The following PCDH11X variants were observed in gnomAD, a reference collection of about 807,000 sequenced individuals.
The protein encoded by PCDH11X is protocadherin 11 X-linked.
Under a neutral mutation model 53.3 loss-of-function variants are expected in PCDH11X, and 18 were observed. That is an observed-to-expected ratio of 0.34 (90% CI 0.23 to 0.50). PCDH11X has a LOEUF of 0.50. Among genes scored for constraint, PCDH11X ranks in the 20% least tolerant of loss-of-function variants. PCDH11X has a pLI of 0.98. For missense variants in PCDH11X, 570 were observed against 1,032.4 expected (o/e 0.55, Z 6.14); for synonymous variants, 279 against 393.3 (o/e 0.71, Z 3.44).
At chrX:91,875,427 C>T (rs1387480283) in intron 5 of PCDH11X, among the ~76,000 whole-genome samples, 3 of 106,933 alleles carry the variant, frequency 2.8e-5, no homozygotes, top group Admixed American at 1.0e-4. Context: ...GGACCACAGG[C>T]GCCCGCCACC....
At chrX:92,600,399 T>C (rs1462448500) in intron 10 of PCDH11X, among the ~76,000 whole-genome samples, 4 of 110,914 alleles carry the variant, frequency 3.6e-5, no homozygotes, top group African/African-American at 1.3e-4. Context: ...GTGCCCTGCA[T>C]TACAGCCATG....
intron 6 of PCDH11X, among the ~76,000 whole-genome samples, chrX:92,086,142 G>A (rs1313580220): frequency 9.0e-6 from 1 of 111,182 alleles, no homozygotes; most frequent in East Asian, 2.8e-4. Flanking sequence ...AATTTTTGTT[G>A]AAAACCCCTC....
At chrX:92,472,555 C>T (rs1205254367) in intron 10 of PCDH11X, among the ~76,000 whole-genome samples, 2 of 108,424 alleles carry the variant, frequency 1.8e-5, no homozygotes, top group Non-Finnish European at 3.8e-5. Flanking sequence ...TAGCATGGTA[C>T]CTCTGCCTTT....
chrX:91,779,738 C>A (rs1935060216), intron 1 of PCDH11X, 54 bp downstream of exon 1: 1 of 101,082 alleles, frequency 9.9e-6, no homozygotes, highest in Admixed American at 1.1e-4. Context: ...GGCGTGAGGT[C>A]CACACTTAGT....
At chrX:91,792,768 A>G (rs1432678665) in intron 1 of PCDH11X, among the ~76,000 whole-genome samples, 2 of 111,821 alleles carry the variant, frequency 1.8e-5, no homozygotes, top group African/African-American at 6.5e-5. Context: ...AACATGATAT[A>G]CAGTATTTCC....
intron 8 of PCDH11X, among the ~76,000 whole-genome samples, chrX:92,293,209 C>A (rs1332662234): frequency 9.0e-6 from 1 of 111,693 alleles, no homozygotes; most frequent in Non-Finnish European, 1.9e-5. Flanking sequence ...TGAGGAGTGG[C>A]ATCCAATACA....
chrX:92,128,841 G>C (rs2064919891), intron 6 of PCDH11X, among the ~76,000 whole-genome samples: 2 of 110,368 alleles, frequency 1.8e-5, no homozygotes, highest in Admixed American at 9.7e-5. Flanking sequence ...CCTATTAATA[G>C]AAGAGGTTTT....
At chrX:91,833,885 C>G (rs1417191794) in intron 4 of PCDH11X, among the ~76,000 whole-genome samples, 1 of 111,271 alleles carries the variant, frequency 9.0e-6, no homozygotes, top group Non-Finnish European at 1.9e-5. Context: ...ATATGTAGTC[C>G]TCCTGTTTTT....
chrX:91,882,865 C>T lies in PCDH11X; in HGVS notation c.3033+3592C>T. On this transcript the variant is annotated intron_variant, in intron 6 of 10. Coordinates refer to ENST00000682573, the MANE Select transcript of PCDH11X (RefSeq NM_032968.5). Reference sequence around the variant, plus strand: ...CTTGGCAAATGAAACTCCTAGAACACAACCATCTGATTTTGATAACGTGTT... The same window carrying T: ...CTTGGCAAATGAAACTCCTAGAACATAACCATCTGATTTTGATAACGTGTT... 10 of 1,180,753 alleles carry T rather than the reference C, an allele frequency of 8.5e-6. No homozygotes were observed. In the South Asian group the frequency reaches 1.6e-4, roughly 19 times the overall value.
chrX:92,491,815 T>C (rs1174413890), intron 10 of PCDH11X, among the ~76,000 whole-genome samples: 1 of 111,485 alleles, frequency 9.0e-6, no homozygotes, highest in Admixed American at 9.6e-5. Flanking sequence ...TTAAATATCA[T>C]TGAGATCATG....
At chrX:92,464,159 A>G (rs749522375) in intron 9 of PCDH11X, among the ~76,000 whole-genome samples, 187 of 111,707 alleles carry the variant, frequency 1.7e-3, no homozygotes, top group Non-Finnish European at 3.2e-3. Context: ...GGGATACATA[A>G]TTAATTTTAT....
Position 92,353,826 on chromosome X carries a change from A to G in PCDH11X, c.3145-33909A>G, listed in dbSNP as rs768709683. On this transcript the variant is annotated intron_variant, in intron 8 of 10. Transcript: ENST00000682573. The stretch of plus-strand genomic sequence containing the variant: ...GTAAAAATAATTATATTATCTTTAC[A>G]TTTGAATGGACTACACTGGCCTTGA... Among the ~76,000 whole-genome samples, 27 of 110,679 alleles carry G rather than the reference A, an allele frequency of 2.4e-4. 1 individual carries two copies. In the South Asian group the frequency reaches 0.01, roughly 43 times the overall value.
intron 6 of PCDH11X, among the ~76,000 whole-genome samples, chrX:92,185,703 G>C (rs1287763694): frequency 9.1e-6 from 1 of 110,228 alleles, no homozygotes; most frequent in Non-Finnish European, 1.9e-5. Context: ...AAGTGATTTG[G>C]GAAATGACAT....
chrX:92,331,291 C>CTTCTTCTTCTTCTTCTTCTTA (rs2069467926), intron 8 of PCDH11X, among the ~76,000 whole-genome samples: 1 of 81,198 alleles, frequency 1.2e-5, no homozygotes, highest in Non-Finnish European at 2.3e-5. Context: ...TCTTCTTCTT[C>CTTCTTCTTCTTCTTCTTCTTA]TTCTTCTTCT....
chrX:92,420,989 T>G (rs757573683), intron 9 of PCDH11X, among the ~76,000 whole-genome samples: 9 of 111,992 alleles, frequency 8.0e-5, no homozygotes, highest in African/African-American at 2.6e-4. Context: ...TTTTCAATCT[T>G]TCTTCTCTCT....
rs756011258 is a variant in PCDH11X at position 92,006,192 on chromosome X, T to G, written c.3033+126919T>G. On this transcript the variant is annotated intron_variant, in intron 6 of 10. Transcript: ENST00000682573. ...TCTGTTATTATCCCTTTGAATTATC[T>G]TTCTACTCCTATCTCTTTCTCTACT... Among the ~76,000 whole-genome samples the G allele has an allele frequency of 3.6e-5, 4 of 110,357 alleles. No individual in the cohort carries two copies. The East Asian group carries it at 1.2e-3, about 32-fold the overall frequency.
At chrX:92,009,253 T>G (rs1372553267) in intron 6 of PCDH11X, among the ~76,000 whole-genome samples, 2 of 111,961 alleles carry the variant, frequency 1.8e-5, no homozygotes, top group African/African-American at 6.5e-5. Context: ...AATATTAAAA[T>G]AGAGCTGTGG....
chrX:92,373,655 G>A (rs758578960), intron 8 of PCDH11X, among the ~76,000 whole-genome samples: 4 of 111,974 alleles, frequency 3.6e-5, no homozygotes, highest in African/African-American at 1.3e-4. Flanking sequence ...AAATCTCTGA[G>A]AGAAATTAGG....
At chrX:92,256,372 C>T (rs1021608218) in intron 7 of PCDH11X, among the ~76,000 whole-genome samples, 1 of 111,200 alleles carries the variant, frequency 9.0e-6, no homozygotes, top group African/African-American at 3.3e-5. Flanking sequence ...AACCCGGTAC[C>T]TCAGATGGAA....
Sources: gnomAD v4.1 joint callset for allele counts (sites outside exome capture counted in the v4.1 genomes callset) on GRCh38, gnomAD v4.1.1 for gene constraint, MANE v1.5 for transcripts, NCBI Gene and HGNC (gene_info 2026-07-23, HGNC 2026-07-21) for gene names.